The following SLX9 variants were observed in gnomAD, a reference collection of about 807,000 sequenced individuals.
The protein encoded by SLX9 is SLX9 ribosome biogenesis factor, also known as ribosome biogenesis protein SLX9 homolog.
In SLX9, 19 loss-of-function variants were observed where a neutral mutation model predicts 20.8. That is an observed-to-expected ratio of 0.91 (90% CI 0.64 to 1.34). The LOEUF (loss-of-function observed/expected upper bound fraction) is 1.34, where lower values mean the gene tolerates loss of function less well. Among genes scored for constraint, SLX9 ranks in the 40% most tolerant of loss-of-function variants. The probability of loss-of-function intolerance (pLI) is 0.00; values close to 1 mark genes in which losing one functional copy is unlikely to be tolerated. For synonymous variants in SLX9, 113 were observed against 137.1 expected, an observed-to-expected ratio of 0.82 and a Z score of 1.23; for missense variants, 299 against 322.2, an observed-to-expected ratio of 0.93 and a Z score of 0.55.
intron 1 of SLX9, among the ~76,000 whole-genome samples, chr21:44,943,324 C>G (rs2084582619): frequency 1.3e-5 from 2 of 152,224 alleles, no homozygotes; most frequent in African/African-American, 4.8e-5. Context: ...ATCTGCTCAG[C>G]TGCAGGTTTC....
intron 2 of SLX9, among the ~76,000 whole-genome samples, chr21:44,949,742 G>A (rs548868116): frequency 8.3e-4 from 127 of 152,310 alleles, no homozygotes; most frequent in African/African-American, 3.0e-3. Flanking sequence ...ACCAGGCTGT[G>A]GTGCAAGGAC....
intron 2 of SLX9, among the ~76,000 whole-genome samples, chr21:44,945,563 G>A (rs570283236): frequency 1.3e-5 from 2 of 152,186 alleles, no homozygotes; most frequent in African/African-American, 4.8e-5. Flanking sequence ...TTAGGGAGAC[G>A]TCACGCTCAC....
At position 44,966,472 on chromosome 21, in the gene SLX9, T is replaced by C. The variant is rs2085037725; in HGVS notation, c.353-562T>C. On this transcript the variant is annotated intron_variant, in intron 3 of 5. Coordinates refer to ENST00000291634, the MANE Select transcript of SLX9 (RefSeq NM_058190.4). ...GTTTTGAGATAAATACATTTTTAAA[T>C]TAAATCAAATCCCAAGGCCATACCC... 2.0e-5 allele frequency among the ~76,000 whole-genome samples: 3 copies of C among 152,300 alleles called. No homozygotes were observed. The South Asian group carries it at 6.2e-4, about 32-fold the overall frequency.
chr21:44,940,112 A>G lies in SLX9; in HGVS notation c.55A>G (p.Lys19Glu). The G allele has an allele frequency of 1.4e-6, 2 of 1,404,026 alleles. No individual in the cohort carries two copies. Among genetic ancestry groups the G allele is most frequent in the Non-Finnish European group, 1.9e-6 (2 of 1,071,804 alleles). The allele number at this position is 1,404,026 out of a possible 1,614,324, so 87.0% of individuals were successfully genotyped here. ...ARVHQAAVRP[K>E]GEAAPGPAPP... ...AGTGCACCAGGCTGCCGTGAGGCCGAAAGGGGAGGCCGCCCCCGGCCCCGC... is the reference window on the plus strand; with the variant it reads ...AGTGCACCAGGCTGCCGTGAGGCCGGAAGGGGAGGCCGCCCCCGGCCCCGC... Residue 19 changes from lysine to glutamate, a missense_variant, in exon 1 of 6, where the codon AAA (lysine) becomes GAA (glutamate). Physicochemically the swap from Lys to Glu is moderately conservative, Grantham distance 56. Coordinates refer to ENST00000291634, the MANE Select transcript of SLX9 (RefSeq NM_058190.4).
intron 2 of SLX9, among the ~76,000 whole-genome samples, chr21:44,954,542 G>A (rs189569778): frequency 1.3e-5 from 2 of 152,316 alleles, no homozygotes; most frequent in East Asian, 3.9e-4. Context: ...GAAGGGAGTC[G>A]AGGTGAGCCG....
intron 1 of SLX9, 73 bp downstream of exon 1, chr21:44,940,259 C>G (rs1377240041): frequency 8.4e-7 from 1 of 1,195,124 alleles, no homozygotes; most frequent in Admixed American, 4.4e-5. Flanking sequence ...GCGCCGCCTC[C>G]GGGAGGGTTC....
At chr21:44,969,733 TAGTG>T (rs1471381249) in intron 4 of SLX9, among the ~76,000 whole-genome samples, 1 of 150,588 alleles carries the variant, frequency 6.6e-6, no homozygotes, top group East Asian at 1.9e-4. Flanking sequence ...AACAGAGAAA[TAGTG>T]AGCGTTAAGT....
intron 3 of SLX9, among the ~76,000 whole-genome samples, chr21:44,966,244 G>A (rs1469410504): frequency 1.3e-5 from 2 of 152,130 alleles, no homozygotes; most frequent in Admixed American, 1.3e-4. Flanking sequence ...GAGAGGAGCT[G>A]GCTGTTGTCA....
intron 4 of SLX9, among the ~76,000 whole-genome samples, chr21:44,971,406 G>A (rs765704327): frequency 2.6e-5 from 4 of 152,128 alleles, no homozygotes; most frequent in Admixed American, 6.5e-5. Context: ...TGTGCGTCCC[G>A]CCTGGGAGGA....
chr21:44,963,167 C>T (rs2084975114), intron 3 of SLX9, among the ~76,000 whole-genome samples: 1 of 151,408 alleles, frequency 6.6e-6, no homozygotes, highest in African/African-American at 2.4e-5. Flanking sequence ...TGGCTCACTG[C>T]AAGCAACACC....
intron 1 of SLX9, among the ~76,000 whole-genome samples, chr21:44,941,635 A>G (rs2084551235): frequency 6.6e-6 from 1 of 151,948 alleles, no homozygotes; most frequent in African/African-American, 2.4e-5. Context: ...TTTGACCTTC[A>G]TTTCTGCCCT....
intron 1 of SLX9, among the ~76,000 whole-genome samples, chr21:44,943,183 G>C (rs181746544): frequency 6.6e-5 from 10 of 151,772 alleles, no homozygotes; most frequent in African/African-American, 2.2e-4. Context: ...TGGAGGAACT[G>C]AAATCTTCAT....
intron 2 of SLX9, among the ~76,000 whole-genome samples, chr21:44,955,636 T>C (rs1428850697): frequency 1.3e-5 from 2 of 152,164 alleles, no homozygotes; most frequent in African/African-American, 2.4e-5. Context: ...CCTCCCACTT[T>C]GGCCTCCTGA....
intron 2 of SLX9, among the ~76,000 whole-genome samples, chr21:44,951,354 G>A (rs2084753275): frequency 6.6e-6 from 1 of 152,120 alleles, no homozygotes; most frequent in South Asian, 2.1e-4. Flanking sequence ...GCCCTGGCTT[G>A]CTGCACAGCC....
intron 2 of SLX9, among the ~76,000 whole-genome samples, chr21:44,951,411 C>G (rs2084754665): frequency 6.6e-6 from 1 of 152,102 alleles, no homozygotes; most frequent in African/African-American, 2.4e-5. Flanking sequence ...CTTGCCGGTC[C>G]TGTTCAAGTC....
intron 2 of SLX9, among the ~76,000 whole-genome samples, chr21:44,944,567 T>C (rs1168613761): frequency 6.6e-6 from 1 of 152,246 alleles, no homozygotes; most frequent in Non-Finnish European, 1.5e-5. Flanking sequence ...AGGAAAAAGC[T>C]TCCTTCACTC....
intron 2 of SLX9, chr21:44,958,327 C>A (rs1353905612): frequency 6.5e-6 from 1 of 152,722 alleles, no homozygotes; most frequent in African/African-American, 2.4e-5. Context: ...CACTCCCAGC[C>A]CGGCCCTCCT....
chr21:44,949,452 C>T (rs1281775489), intron 2 of SLX9, among the ~76,000 whole-genome samples: 3 of 152,170 alleles, frequency 2.0e-5, no homozygotes, highest in Non-Finnish European at 4.4e-5. Flanking sequence ...GACACAGGGA[C>T]CACACTGCTG....
At chr21:44,943,987 T>C (rs1361290502) in intron 2 of SLX9, 150 bp downstream of exon 2, 1 of 1,146,538 alleles carries the variant, frequency 8.7e-7, no homozygotes, top group Non-Finnish European at 1.2e-6. Flanking sequence ...TTGGGGCGAT[T>C]CCCCAGAGTA....
Sources: allele counts gnomAD v4.1 joint callset (sites outside exome capture counted in the v4.1 genomes callset), GRCh38; gene constraint gnomAD v4.1.1; transcripts MANE v1.5; gene names NCBI Gene and HGNC (gene_info 2026-07-23, HGNC 2026-07-21).